The following MTMR10 variants were observed in gnomAD, a reference collection of about 807,000 sequenced individuals.
The protein encoded by MTMR10 is myotubularin-related protein 10.
Under a neutral mutation model 88.1 loss-of-function variants are expected in MTMR10, and 56 were observed. That is an observed-to-expected ratio of 0.64 (90% CI 0.51 to 0.79). The LOEUF is 0.79. Ranked by LOEUF, MTMR10 falls within the 30% of genes least tolerant of loss-of-function variation. The probability of loss-of-function intolerance (pLI) is 0.00; values close to 1 mark genes in which losing one functional copy is unlikely to be tolerated. For synonymous variants in MTMR10, 380 were observed against 340.9 expected (o/e 1.11, Z -1.26); for missense variants, 883 against 924.7 (o/e 0.95, Z 0.58).
chr15:30,969,009 T>C (rs1191622360), intron 5 of MTMR10, among the ~76,000 whole-genome samples: 1 of 152,060 alleles, frequency 6.6e-6, no homozygotes, highest in Admixed American at 6.6e-5. Context: ...AAGATTAAAT[T>C]TTATTTAGAA....
chr15:30,982,862 T>C (rs911379833), intron 2 of MTMR10, among the ~76,000 whole-genome samples: 3 of 152,212 alleles, frequency 2.0e-5, no homozygotes, highest in Non-Finnish European at 4.4e-5. Flanking sequence ...CATAAGCTCC[T>C]GCCATGCACT....
At chr15:30,925,835 C>T in the MTMR10 span, 5 of 1,614,116 alleles carry the variant, frequency 3.1e-6, no homozygotes, top group Non-Finnish European at 4.2e-6. Flanking sequence ...ATGTGCAAGT[C>T]TGTGTTTGTG....
At chr15:30,933,682 T>G in the MTMR10 span, among the ~76,000 whole-genome samples, 521 of 152,324 alleles carry the variant, frequency 3.4e-3, 1 homozygote, top group Middle Eastern at 6.8e-3. Context: ...CTTACTGATT[T>G]CTTATTTACT....
At chr15:30,930,428 C>A in the MTMR10 span, 1 of 1,221,536 alleles carries the variant, frequency 8.2e-7, no homozygotes, top group Non-Finnish European at 1.1e-6. Flanking sequence ...GGCCTGGGGT[C>A]CATGTGCACT....
rs2031335352 is a variant in MTMR10 at position 30,991,554 on chromosome 15, G to A, written c.-48C>T. The stretch of plus-strand genomic sequence containing the variant: ...GTTCCCGTCGCGGGCCAGTGGCAGC[G>A]CCGACGCCTCCGGGCGTAAAGCTCT... On this transcript the variant is annotated 5_prime_UTR_variant, in exon 1 of 16. Coordinates refer to ENST00000435680, the MANE Select transcript of MTMR10 (RefSeq NM_017762.3). 1 of 1,527,958 alleles carries A rather than the reference G, an allele frequency of 6.5e-7. No individual in the cohort carries two copies. The highest frequency in any genetic ancestry group is 8.7e-7 in the Non-Finnish European group (1 of 1,146,034). 94.7% of individuals were successfully genotyped at this position (1,527,958 alleles called of 1,614,324 possible).
the MTMR10 span, among the ~76,000 whole-genome samples, chr15:30,920,370 G>A: frequency 6.6e-6 from 1 of 152,232 alleles, no homozygotes; most frequent in African/African-American, 2.4e-5. Flanking sequence ...GACCTAGGAC[G>A]TGGTAGCTGG....
Position 30,947,106 on chromosome 15 carries a change from A to C in MTMR10, c.1548+24T>G, listed in dbSNP as rs759085182. The C allele has an allele frequency of 7.7e-6, 12 of 1,564,308 alleles. No individual in the cohort carries two copies. The East Asian group carries it at 2.7e-4, about 36-fold the overall frequency. On this transcript the variant is annotated intron_variant, in intron 14 of 15. Transcript: ENST00000435680. ...AAAGTTGTAAAAACAGGGAAAACGT[A>C]GCCACAGCCACAGGGTTGCTTACCG... is the stretch of plus-strand genomic sequence containing the variant.
intron 2 of MTMR10, among the ~76,000 whole-genome samples, chr15:30,978,774 CAT>C (rs900297585): frequency 3.3e-5 from 5 of 152,222 alleles, no homozygotes; most frequent in South Asian, 2.1e-4. Context: ...CTTCAATTCC[CAT>C]AGTCTTTCCC....
At position 30,954,733 on chromosome 15, in the gene MTMR10, A is replaced by C. The variant is rs534639183; in HGVS notation, c.1066+30T>G. 3.2e-6 allele frequency: 5 copies of C among 1,565,344 alleles called. No homozygotes were observed. The African/African-American group carries it at 4.1e-5, about 13-fold the overall frequency. ...TCATGCAACTCTGTATCCTGTGTTC[A>C]TTATATATATGAAATAAGAATGAAA... is the stretch of plus-strand genomic sequence containing the variant. On this transcript the variant is annotated intron_variant, in intron 10 of 15. Coordinates refer to ENST00000435680, the MANE Select transcript of MTMR10 (RefSeq NM_017762.3).
chr15:30,937,521 G>A (rs191406328), downstream of MTMR10, among the ~76,000 whole-genome samples: 468 of 147,126 alleles, frequency 3.2e-3, 1 homozygote, highest in African/African-American at 0.011. Flanking sequence ...GTGTGATCTC[G>A]GCTCACTGCA....
chr15:30,987,232 T>C (rs922911331), intron 2 of MTMR10, among the ~76,000 whole-genome samples: 5 of 152,230 alleles, frequency 3.3e-5, no homozygotes, highest in Non-Finnish European at 7.3e-5. Context: ...TCTGTGTGTG[T>C]GCCTGGGTAA....
chr15:30,951,147 G>C (rs375501443), intron 12 of MTMR10, among the ~76,000 whole-genome samples: 2 of 152,180 alleles, frequency 1.3e-5, no homozygotes, highest in Admixed American at 1.3e-4. Flanking sequence ...TCTATTAGCT[G>C]TAAGTTATTT....
the MTMR10 span, chr15:30,929,067 T>C: frequency 1.2e-6 from 1 of 835,796 alleles, no homozygotes; most frequent in Admixed American, 3.3e-5. Context: ...TTTATATCAA[T>C]TAACTTTTAC....
At chr15:30,930,655 A>G in the MTMR10 span, 1 of 1,612,886 alleles carries the variant, frequency 6.2e-7, no homozygotes, top group Admixed American at 1.7e-5. Flanking sequence ...TGGAACTCCC[A>G]GAGCCGTCAC....
In MTMR10 at chr15:30,940,288, A is replaced by G; in HGVS notation, c.*1182T>C. ...ACAGTTTGGAAATACTTTACTTTAG[A>G]GAGATTCAGATCAAGCAAACAACTG... On this transcript the variant is annotated 3_prime_UTR_variant, in exon 16 of 16. Coordinates refer to ENST00000435680, the MANE Select transcript of MTMR10 (RefSeq NM_017762.3). The G allele has an allele frequency of 1.0e-6, 1 of 983,654 alleles. No homozygotes were observed. The highest frequency in any genetic ancestry group is 6.2e-5 in the Admixed American group (1 of 16,194). The allele number at this position is 983,654 out of a possible 1,614,324, so 60.9% of individuals were successfully genotyped here.
chr15:30,970,693 C>G (rs1308735509), intron 5 of MTMR10, among the ~76,000 whole-genome samples: 3 of 152,120 alleles, frequency 2.0e-5, no homozygotes, highest in African/African-American at 7.2e-5. Flanking sequence ...TCATGGACAT[C>G]CTTTTTTTGT....
At chr15:30,928,749 A>T in the MTMR10 span, 4 of 1,587,102 alleles carry the variant, frequency 2.5e-6, no homozygotes, top group South Asian at 4.6e-5. Context: ...GCCAGCAGAA[A>T]CCATCTCTGT....
At chr15:30,950,897 A>G (rs1428275873) in intron 12 of MTMR10, among the ~76,000 whole-genome samples, 2 of 152,230 alleles carry the variant, frequency 1.3e-5, no homozygotes, top group East Asian at 3.8e-4. Context: ...TAGATTACTT[A>G]TAACACCTAA....
At chr15:30,926,570 G>A in the MTMR10 span, 74 of 964,828 alleles carry the variant, frequency 7.7e-5, no homozygotes, top group Non-Finnish European at 9.0e-5. Flanking sequence ...TCTGATGAGT[G>A]TTGAGATTCA....
Sources: allele counts gnomAD v4.1 joint callset (sites outside exome capture counted in the v4.1 genomes callset), GRCh38; gene constraint gnomAD v4.1.1; transcripts MANE v1.5; gene names NCBI Gene and HGNC (gene_info 2026-07-23, HGNC 2026-07-21).